The following SLC25A47 variants were observed in gnomAD, a reference collection of about 807,000 sequenced individuals.
SLC25A47 encodes HCC-down-regulated mitochondrial carrier protein.
SLC25A47 carries 30 observed loss-of-function variants against 29.8 expected under a neutral mutation model. The observed-to-expected ratio is 1.01, with a 90% confidence interval of 0.75 to 1.36. The LOEUF (loss-of-function observed/expected upper bound fraction) is 1.36. Among genes scored for constraint, SLC25A47 ranks in the 40% most tolerant of loss-of-function variants. The probability of loss-of-function intolerance (pLI) is 0.00; values close to 1 mark genes in which losing one functional copy is unlikely to be tolerated. For synonymous variants in SLC25A47, 204 were observed against 197.8 expected (o/e 1.03, Z -0.26); for missense variants, 430 against 441.9 (o/e 0.97, Z 0.24).
At chr14:100,325,906 G>C in intron 2 of SLC25A47, 75 bp downstream of exon 2, 1 of 1,507,240 alleles carries the variant, frequency 6.6e-7, no homozygotes, top group Non-Finnish European at 9.0e-7. Flanking sequence ...TTTCTAGAAT[G>C]CTAAACAGAC....
At chr14:100,323,577 G>T in intron 1 of SLC25A47, 135 bp downstream of exon 1, 1 of 1,071,376 alleles carries the variant, frequency 9.3e-7, no homozygotes, top group East Asian at 2.6e-5. Flanking sequence ...GCCAGGAGCA[G>T]AGAGCAGGTT....
rs964971338 is a variant in SLC25A47, at chr14:100,327,439, G to T, written c.327+69G>T. Reference sequence around the variant, plus strand: ...CGGGGTCTGAGAGGTTATCCATCCTGGCAGGTGGGGAAACTGAGGCTTGAT... The same window carrying T: ...CGGGGTCTGAGAGGTTATCCATCCTTGCAGGTGGGGAAACTGAGGCTTGAT... On this transcript the variant is annotated intron_variant, in intron 4 of 5. Coordinates refer to ENST00000361529, the MANE Select transcript of SLC25A47 (RefSeq NM_207117.4). 14 of 1,485,520 alleles carry T rather than the reference G, an allele frequency of 9.4e-6. No individual in the cohort carries two copies. The African/African-American group carries it at 1.3e-4, about 13-fold the overall frequency. The allele number at this position is 1,485,520 out of a possible 1,614,324, so 92.0% of individuals were successfully genotyped here.
At chr14:100,327,823 G>A (rs949339192) in intron 4 of SLC25A47, among the ~76,000 whole-genome samples, 9 of 152,334 alleles carry the variant, frequency 5.9e-5, no homozygotes, top group Middle Eastern at 3.4e-3. Context: ...CCTTGCTCCC[G>A]CAGGGGAGAC....
At chr14:100,327,156 G>A (rs773405593) in intron 3 of SLC25A47, 32 bp from the exon 4 acceptor site, 3 of 1,557,926 alleles carry the variant, frequency 1.9e-6, no homozygotes, top group Non-Finnish European at 1.7e-6. Context: ...CTCCTGGCGG[G>A]GCCCTAGCCT....
At position 100,329,858 on chromosome 14, in the gene SLC25A47, G is replaced by T. The variant is rs1352655288; in HGVS notation, c.*213G>T. 3 of 677,138 alleles carry T rather than the reference G, an allele frequency of 4.4e-6. No individual in the cohort carries two copies. The highest frequency in any genetic ancestry group is 3.0e-5 in the Admixed American group (1 of 32,930). The allele number at this position is 677,138 out of a possible 1,614,324, so 41.9% of individuals were successfully genotyped here. A position where few individuals can be genotyped will look rare whatever the true frequency, so the allele number is the denominator to read the frequency against. On this transcript the variant is annotated 3_prime_UTR_variant, in exon 6 of 6. Transcript: ENST00000361529. ...AGGGGCCCGCCAGCCATCAGCCAGG[G>T]TTGGCCTAGGGTGGCAGGAGCCAGG... is the stretch of plus-strand genomic sequence containing the variant.
chr14:100,327,696 A>G (rs576082458), intron 4 of SLC25A47, among the ~76,000 whole-genome samples: 13 of 152,308 alleles, frequency 8.5e-5, no homozygotes, highest in Admixed American at 6.5e-4. Flanking sequence ...GGCCCCGGGC[A>G]CTCATGGCTC....
chr14:100,328,902 G>A lies in SLC25A47; in HGVS notation c.504G>A (p.Thr168=), dbSNP rs1018798373. 5 of 1,610,590 alleles carry A rather than the reference G, an allele frequency of 3.1e-6. No homozygotes were observed. In the East Asian group the frequency reaches 6.7e-5, roughly 22 times the overall value. ...GCGGGCCACTGCACTGCCTGGCCACGGTAGCCCGTGAGGAGGGGCTGTGCG... is the reference window on the plus strand; with the variant it reads ...GCGGGCCACTGCACTGCCTGGCCACAGTAGCCCGTGAGGAGGGGCTGTGCG... ...KYRGPLHCLA[T]VAREEGLCGL... The change falls in exon 5 of 6, where the codon ACG becomes ACA. Residue 168 remains threonine (T), a synonymous_variant. Coordinates refer to ENST00000361529, the MANE Select transcript of SLC25A47 (RefSeq NM_207117.4).
At position 100,328,600 on chromosome 14, in the gene SLC25A47, A is replaced by G. The variant is rs1160070843; in HGVS notation, c.328-126A>G. The stretch of plus-strand genomic sequence containing the variant: ...CCCCGTGGCCCCCCAGCCCTGGGCC[A>G]GCCTGCAGGGTCTCGGGGCCCAACC... On this transcript the variant is annotated intron_variant, in intron 4 of 5. Coordinates refer to ENST00000361529, the MANE Select transcript of SLC25A47 (RefSeq NM_207117.4). 4.1e-6 allele frequency: 4 copies of G among 986,642 alleles called. No homozygotes were observed. In the African/African-American group the frequency reaches 6.5e-5, roughly 16 times the overall value. 61.1% of individuals were successfully genotyped at this position (986,642 alleles called of 1,614,324 possible).
At chr14:100,328,413 G>A (rs1893379159) in intron 4 of SLC25A47, among the ~76,000 whole-genome samples, 1 of 152,176 alleles carries the variant, frequency 6.6e-6, no homozygotes, top group South Asian at 2.1e-4. Flanking sequence ...GCCTGGCCAT[G>A]GTATTATTTT....
chr14:100,328,743 C>A lies in SLC25A47; in HGVS notation c.345C>A (p.Pro115=). Residue 115 remains proline, a synonymous_variant, in exon 5 of 6, where the codon CCC becomes CCA. Coordinates refer to ENST00000361529, the MANE Select transcript of SLC25A47 (RefSeq NM_207117.4). ...SGLVRVFLTS[P]TEVAKVRLQT... The stretch of plus-strand genomic sequence containing the variant: ...TGCTCCAGGTGTTCCTGACGTCGCC[C>A]ACTGAGGTGGCCAAAGTCCGCTTGC... 6.2e-7 allele frequency: 1 copy of A among 1,613,014 alleles called. No homozygotes were observed.
chr14:100,329,673 A>G lies in SLC25A47; in HGVS notation c.*28A>G, dbSNP rs866848846. On this transcript the variant is annotated 3_prime_UTR_variant, in exon 6 of 6. Transcript: ENST00000361529. The stretch of plus-strand genomic sequence containing the variant: ...GGTCCCCACGCCCAGCGGCCCACCC[A>G]CCAGCAGCTGCTGGAGGTCGTAGTG... The G allele has an allele frequency of 3.8e-6, 6 of 1,586,350 alleles. No individual in the cohort carries two copies. In the Admixed American group the frequency reaches 1.0e-4, roughly 27 times the overall value.
At chr14:100,325,716 G>A in intron 1 of SLC25A47, 72 bp from the exon 2 acceptor site, 1 of 1,517,692 alleles carries the variant, frequency 6.6e-7, no homozygotes, top group Non-Finnish European at 9.0e-7. Flanking sequence ...CTCTGCTTCT[G>A]CTTCCCTGCA....
At chr14:100,328,415 T>C (rs1292775089) in intron 4 of SLC25A47, among the ~76,000 whole-genome samples, 1 of 152,140 alleles carries the variant, frequency 6.6e-6, no homozygotes, top group Non-Finnish European at 1.5e-5. Context: ...CTGGCCATGG[T>C]ATTATTTTAT....
At position 100,327,338 on chromosome 14, in the gene SLC25A47, A is replaced by C. The variant is rs147799130; in HGVS notation, c.295A>C (p.Thr99Pro). Residue 99 changes from threonine to proline, a missense_variant, in exon 4 of 6, where the codon ACG becomes CCG. Thr to Pro is a conservative substitution (Grantham distance 38). Coordinates refer to ENST00000361529, the MANE Select transcript of SLC25A47 (RefSeq NM_207117.4). Reference sequence around the variant, plus strand: ...CGCCAAGCCCACCAAGGCCGACATCACGCTCTCGGGATGCGCCTCCGGCCT... The same window carrying C: ...CGCCAAGCCCACCAAGGCCGACATCCCGCTCTCGGGATGCGCCTCCGGCCT... ...PDAKPTKADI[T>P]LSGCASGLVR... The C allele has an allele frequency of 6.2e-7, 1 of 1,600,756 alleles. No homozygotes were observed. The highest frequency in any genetic ancestry group is 1.1e-5 in the South Asian group (1 of 90,964).
rs766774898 is a variant in SLC25A47 at position 100,326,228 on chromosome 14, C to T, written c.144C>T (p.Arg48=). ...TCCGGGATACGTATCACCGAGAGCG[C>T]GTAGGTCTGGGGCCAGGGGCTGGGT... The part of the protein sequence containing the change: ...HCVRDTYHRE[R]VWGFYRGLSL... The change falls in exon 3 of 6, where the codon CGC becomes CGT. Residue 48 remains arginine, a splice_region_variant and synonymous_variant. Transcript: ENST00000361529. The T allele has an allele frequency of 8.1e-6, 13 of 1,613,560 alleles. No homozygotes were observed. The highest frequency in any genetic ancestry group is 3.3e-5 in the Admixed American group (2 of 59,974).
intron 4 of SLC25A47, among the ~76,000 whole-genome samples, chr14:100,327,841 C>T (rs1893369647): frequency 6.6e-6 from 1 of 152,238 alleles, no homozygotes; most frequent in Admixed American, 6.5e-5. Flanking sequence ...GACAGACTTT[C>T]GCACTTGGTG....
chr14:100,329,428 C>T lies in SLC25A47; in HGVS notation c.710C>T (p.Pro237Leu). Residue 237 changes from proline (P) to leucine (L), a missense_variant, in exon 6 of 6, where the codon CCC (proline) becomes CTC (leucine). Pro to Leu is a moderately conservative substitution (Grantham distance 98, BLOSUM62 -3). Coordinates refer to ENST00000361529, the MANE Select transcript of SLC25A47 (RefSeq NM_207117.4). Reference sequence around the variant, plus strand: ...GTCCTGGCCTGGGCTGTGGCCACCCCCATGGACGTGATCAAGTCGAGACTG... The same window carrying T: ...GTCCTGGCCTGGGCTGTGGCCACCCTCATGGACGTGATCAAGTCGAGACTG... Reference protein sequence around the residue: ...AGVLAWAVATPMDVIKSRLQA... With the variant: ...AGVLAWAVATLMDVIKSRLQA... 6.2e-7 allele frequency: 1 copy of T among 1,613,234 alleles called. No homozygotes were observed. Among genetic ancestry groups the T allele is most frequent in the South Asian group, 1.1e-5 (1 of 91,074 alleles).
chr14:100,326,545 G>C (rs1464685487), intron 3 of SLC25A47, among the ~76,000 whole-genome samples: 1 of 152,190 alleles, frequency 6.6e-6, no homozygotes, highest in African/African-American at 2.4e-5. Context: ...AGGCAGTGTT[G>C]GGTGGAGTCT....
rs113516124 is a variant in SLC25A47, at chr14:100,329,597, C to T, written c.879C>T (p.Phe293=). ...CRAFPVNMVV[F]VAYEAVLRLA... ...CCTTCCCTGTCAACATGGTGGTCTTCGTCGCCTATGAGGCAGTGCTGAGGC... is the reference window on the plus strand; with the variant it reads ...CCTTCCCTGTCAACATGGTGGTCTTTGTCGCCTATGAGGCAGTGCTGAGGC... Residue 293 remains phenylalanine, a synonymous_variant, in exon 6 of 6, where the codon TTC becomes TTT. Transcript: ENST00000361529. The T allele has an allele frequency of 6.1e-4, 980 of 1,613,640 alleles. 9 individuals are homozygous for T. In the African/African-American group the frequency reaches 0.011, roughly 17 times the overall value.
Sources: allele counts gnomAD v4.1 joint callset (sites outside exome capture counted in the v4.1 genomes callset), GRCh38; gene constraint gnomAD v4.1.1; transcripts MANE v1.5; gene names NCBI Gene and HGNC (gene_info 2026-07-23, HGNC 2026-07-21).